ZNF862: variants seen among roughly 807,000 people sequenced by gnomAD.
The protein encoded by ZNF862 is zinc finger protein 862.
Under a neutral mutation model 91.1 loss-of-function variants are expected in ZNF862, and 64 were observed. The ratio of observed to expected loss-of-function variants is 0.70; its 90% CI spans 0.57 to 0.87. The LOEUF (loss-of-function observed/expected upper bound fraction) is 0.87. Ranked by LOEUF, ZNF862 falls within the 40% of genes least tolerant of loss-of-function variation. The pLI is 0.00. For missense variants in ZNF862, 1,459 were observed against 1,528.0 expected, an observed-to-expected ratio of 0.95 and a Z score of 0.75; for synonymous variants, 631 against 618.1, an observed-to-expected ratio of 1.02 and a Z score of -0.31.
At chr7:149,842,413 C>G (rs182159335) in intron 1 of ZNF862, among the ~76,000 whole-genome samples, 1 of 152,188 alleles carries the variant, frequency 6.6e-6, no homozygotes, top group South Asian at 2.1e-4. Context: ...AATAGAACAT[C>G]GAGAGAGATT....
chr7:149,841,752 C>T (rs1338236778), intron 1 of ZNF862: 1 of 985,162 alleles, frequency 1.0e-6, no homozygotes, highest in East Asian at 1.1e-4. Flanking sequence ...TCTTGGCCCT[C>T]TCTATCTTTC....
chr7:149,848,761 G>A (rs1801964721), intron 4 of ZNF862, among the ~76,000 whole-genome samples: 1 of 152,078 alleles, frequency 6.6e-6, no homozygotes, highest in Admixed American at 6.6e-5. Flanking sequence ...TCAAGAAATA[G>A]CCTACAACCA....
At chr7:149,845,417 T>C (rs2128936490) in intron 2 of ZNF862, among the ~76,000 whole-genome samples, 1 of 152,344 alleles carries the variant, frequency 6.6e-6, no homozygotes, top group South Asian at 2.1e-4. Flanking sequence ...TATTTCATCT[T>C]GGCCCCTGTG....
chr7:149,857,461 T>A (rs1028566421), intron 5 of ZNF862, among the ~76,000 whole-genome samples: 2 of 152,218 alleles, frequency 1.3e-5, no homozygotes, highest in Non-Finnish European at 2.9e-5. Context: ...ATGAGTTTTC[T>A]TTCTAGGAAT....
At chr7:149,839,002 T>C (rs963004283) in intron 1 of ZNF862, among the ~76,000 whole-genome samples, 29 of 152,320 alleles carry the variant, frequency 1.9e-4, no homozygotes, top group African/African-American at 6.3e-4. Context: ...CAGTGGGAGC[T>C]GCAGGGTGGG....
intron 1 of ZNF862, among the ~76,000 whole-genome samples, chr7:149,842,340 CT>C (rs1274626679): frequency 1.3e-5 from 2 of 152,168 alleles, no homozygotes; most frequent in Non-Finnish European, 2.9e-5. Flanking sequence ...ACTGAGGGGA[CT>C]TTGGTGCTAG....
At position 149,860,972 on chromosome 7, in the gene ZNF862, G is replaced by A; in HGVS notation, c.1812G>A (p.Lys604=). The A allele has an allele frequency of 6.2e-7, 1 of 1,613,570 alleles. No individual in the cohort carries two copies. Among genetic ancestry groups the A allele is most frequent in the Non-Finnish European group, 8.5e-7 (1 of 1,179,802 alleles). Residue 604 remains lysine (K), a synonymous_variant, in exon 7 of 8, where the codon AAG becomes AAA. Transcript: ENST00000223210. ...GCACGGCGTGCACTCAGTTCATCAA[G>A]TACATCTCAGAGACCCTGAAGAGGG... ...RNRTACTQFI[K]YISETLKREI...
chr7:149,853,323 A>G (rs569723808), intron 5 of ZNF862, among the ~76,000 whole-genome samples: 26 of 152,308 alleles, frequency 1.7e-4, no homozygotes, highest in South Asian at 1.0e-3. Flanking sequence ...AACCATTGTT[A>G]TGGACTGTTA....
chr7:149,853,937 CAAAA>C (rs931414504), intron 5 of ZNF862, among the ~76,000 whole-genome samples: 3 of 108,204 alleles, frequency 2.8e-5, no homozygotes, highest in South Asian at 3.0e-4. Context: ...GACTCCATCT[CAAAA>C]AAAAAAAAAA....
chr7:149,841,174 G>C, intron 1 of ZNF862: 1 of 985,446 alleles, frequency 1.0e-6, no homozygotes, highest in Non-Finnish European at 1.2e-6. Flanking sequence ...AGGAATAGCG[G>C]TGCTGTTCTA....
At chr7:149,853,298 G>A (rs913749043) in intron 5 of ZNF862, among the ~76,000 whole-genome samples, 3 of 152,238 alleles carry the variant, frequency 2.0e-5, no homozygotes, top group African/African-American at 7.2e-5. Flanking sequence ...AGGATGAGGA[G>A]TCCTTTGTAG....
rs1802014783 is a variant in ZNF862 at position 149,850,181 on chromosome 7, G to C, written c.960G>C (p.Leu320=). 1 of 1,576,308 alleles carries C rather than the reference G, an allele frequency of 6.3e-7. No individual in the cohort carries two copies. The highest frequency in any genetic ancestry group is 8.6e-7 in the Non-Finnish European group (1 of 1,161,354). The change falls in exon 5 of 8, where the codon CTG becomes CTC. Residue 320 remains leucine (L), a synonymous_variant. Transcript: ENST00000223210. This position sits in a 1 kb window ranked among gnomAD's most constrained non-coding sequence, Gnocchi z 4.2. ...TCCAGGACCCTTCTGCAGAGGGGCT[G>C]TCGGAGGAGGTTCCTGTGGTGTTTG... ...SCIQDPSAEG[L]SEEVPVVFEE...
intron 2 of ZNF862, 21 bp from the exon 3 acceptor site, chr7:149,846,130 C>CTTTT (rs34196240): frequency 2.2e-6 from 3 of 1,360,738 alleles, no homozygotes; most frequent in African/African-American, 1.5e-5. Context: ...CTCTCGCTCT[C>CTTTT]TTTTTTTTTT....
chr7:149,841,235 C>T (rs758112587), intron 1 of ZNF862: 67 of 985,304 alleles, frequency 6.8e-5, no homozygotes, highest in Admixed American at 4.3e-4. Flanking sequence ...GAGACTACCT[C>T]GTGAGATAGT....
rs1802220794 is a variant in ZNF862, at chr7:149,855,297, T to C, written c.1118-4125T>C. 6.6e-6 allele frequency among the ~76,000 whole-genome samples: 1 copy of C among 152,096 alleles called. No individual in the cohort carries two copies. On this transcript the variant is annotated intron_variant, in intron 5 of 7. Coordinates refer to ENST00000223210, the MANE Select transcript of ZNF862 (RefSeq NM_001099220.3). This position sits in a 1 kb window ranked among gnomAD's most constrained non-coding sequence, Gnocchi z 4.1. ...TATCAGAGATTTACCAAAAGGAAAA[T>C]GTAGGAAACAAAAGCCCCGTCTCTG...
rs1159580894 is a variant in ZNF862 at position 149,859,239 on chromosome 7, C to T, written c.1118-183C>T. 5 of 631,400 alleles carry T rather than the reference C, an allele frequency of 7.9e-6. No individual in the cohort carries two copies. The Admixed American group carries it at 9.7e-5, about 12-fold the overall frequency. 39.1% of individuals were successfully genotyped at this position (631,400 alleles called of 1,614,324 possible). ...AAGCCCTATCCTAGCTGAGGGCTGC[C>T]CCTCCCCTTACTGCCTCTTTGGCAC... On this transcript the variant is annotated intron_variant, in intron 5 of 7. Coordinates refer to ENST00000223210, the MANE Select transcript of ZNF862 (RefSeq NM_001099220.3).
At position 149,861,149 on chromosome 7, in the gene ZNF862, C is replaced by CA. The variant is rs1404238545; in HGVS notation, c.1990dup (p.Ser664LysfsTer2). The CA allele has an allele frequency of 6.2e-7, 1 of 1,613,054 alleles. No homozygotes were observed. Reference sequence around the variant, plus strand: ...CCTACATCACTCTGGCCCCTCTCTACAGTGAGACAGCAGATGGGTACTTCG... The same window carrying CA: ...CCTACATCACTCTGGCCCCTCTCTACAAGTGAGACAGCAGATGGGTACTTCG... On this transcript the variant is annotated frameshift_variant, in exon 7 of 8. Transcript: ENST00000223210. LOFTEE classifies it high-confidence loss of function. This position sits in a 1 kb window ranked among gnomAD's most constrained non-coding sequence, Gnocchi z 6.7.
intron 5 of ZNF862, among the ~76,000 whole-genome samples, chr7:149,852,339 G>T (rs932237663): frequency 3.3e-5 from 4 of 120,922 alleles, no homozygotes; most frequent in Admixed American, 1.7e-4. Context: ...ACTCAGTTTT[G>T]TGTGTGTGTG....
chr7:149,846,009 A>G (rs1355405259), intron 2 of ZNF862, 142 bp from the exon 3 acceptor site: 1 of 631,900 alleles, frequency 1.6e-6, no homozygotes, highest in Admixed American at 2.7e-5. Flanking sequence ...AACCACCAAG[A>G]CTCCTACTTT....
Sources: allele counts gnomAD v4.1 joint callset (sites outside exome capture counted in the v4.1 genomes callset), GRCh38; gene constraint gnomAD v4.1.1; non-coding constraint Gnocchi (gnomAD v3.1); transcripts MANE v1.5; gene names NCBI Gene and HGNC (gene_info 2026-07-23, HGNC 2026-07-21).